The following UBR1 variants were observed in gnomAD, a reference collection of about 807,000 sequenced individuals.
UBR1 encodes the protein ubiquitin protein ligase E3 component n-recognin 1, also known as E3 ubiquitin-protein ligase UBR1.
Under a neutral mutation model 242.1 loss-of-function variants are expected in UBR1, and 102 were observed. The observed-to-expected ratio is 0.42, with a 90% CI of 0.36 to 0.50. The LOEUF (loss-of-function observed/expected upper bound fraction) is 0.50. UBR1 is among the 20% of genes least tolerant of loss of function. UBR1 has a pLI of 0.01. For missense variants in UBR1, 1,772 were observed against 2,101.8 expected (o/e 0.84, Z 3.07); for synonymous variants, 675 against 684.8 (o/e 0.99, Z 0.22).
chr15:43,021,838 A>T (rs1390629875), intron 26 of UBR1, among the ~76,000 whole-genome samples: 1 of 152,230 alleles, frequency 6.6e-6, no homozygotes, highest in African/African-American at 2.4e-5. Flanking sequence ...TTTGCCAATC[A>T]ATCCCTTAAC....
At chr15:43,052,186 CAG>C (rs2033565513) in intron 12 of UBR1, among the ~76,000 whole-genome samples, 1 of 152,168 alleles carries the variant, frequency 6.6e-6, no homozygotes, top group South Asian at 2.1e-4. Context: ...GCACCTGGAA[CAG>C]GTTCAGTAGA....
chr15:43,002,865 G>A (rs534331896), intron 31 of UBR1, among the ~76,000 whole-genome samples, 161 bp from the exon 32 acceptor site: 1 of 152,136 alleles, frequency 6.6e-6, no homozygotes, highest in Non-Finnish European at 1.5e-5. Context: ...AATTATAGAA[G>A]AAACAGGTTG....
rs544563595 is a variant in UBR1, at chr15:43,007,506, T to C, written c.3210-222A>G. ...AGTGTTGCTAAGTGCAAAAAACAGA[T>C]GATAAAATGGAATGTATATTATAAT... On this transcript the variant is annotated intron_variant, in intron 29 of 46. Transcript: ENST00000290650. Among the ~76,000 whole-genome samples, 8 of 152,080 alleles carry C rather than the reference T, an allele frequency of 5.3e-5. No individual in the cohort carries two copies. The East Asian group carries it at 1.5e-3, about 29-fold the overall frequency.
chr15:43,058,262 T>C, intron 10 of UBR1, 79 bp downstream of exon 10: 1 of 987,310 alleles, frequency 1.0e-6, no homozygotes, highest in East Asian at 2.6e-5. Flanking sequence ...TTTTGATTCA[T>C]AATTATCCCT....
Position 43,105,968 on chromosome 15 carries a change from G to A in UBR1, c.55C>T (p.Pro19Ser). The change falls in exon 1 of 47, where the codon CCC becomes TCC. Residue 19 changes from proline to serine, a missense_variant. Pro to Ser is a moderately conservative substitution (Grantham distance 74, BLOSUM62 -1). Transcript: ENST00000290650. The part of the protein sequence containing the change: ...TERMEISAEL[P>S]QTPQRLASWW... ...GATGCCAGACGCTGAGGGGTCTGGGGTAACTCCGCGCTGATTTCCATCCTC... is the reference window on the plus strand; with the variant it reads ...GATGCCAGACGCTGAGGGGTCTGGGATAACTCCGCGCTGATTTCCATCCTC... 2 of 1,614,068 alleles carry A rather than the reference G, an allele frequency of 1.2e-6. No homozygotes were observed. Among genetic ancestry groups the A allele is most frequent in the Non-Finnish European group, 8.5e-7 (1 of 1,180,008 alleles).
chr15:43,059,113 T>G lies in UBR1; in HGVS notation c.1065A>C (p.Leu355Phe), dbSNP rs142798632. The G allele has an allele frequency of 3.0e-4, 483 of 1,614,150 alleles. 1 individual carries two copies. The highest frequency in any genetic ancestry group is 3.8e-4 in the Non-Finnish European group (453 of 1,180,014). ...DSENPCLISR[L>F]MLWDAKLYKG... ...TATAAAGCTTTGCATCCCAAAGCAT[T>G]AACCTGCTTATGAGACAGGGATTCT... The change falls in exon 9 of 47, where the codon TTA becomes TTC. Residue 355 changes from leucine to phenylalanine, a missense_variant. This residue lies in a region of UBR1 where 734 missense variants were observed against 893.3 expected (regional missense o/e 0.82). Coordinates refer to ENST00000290650, the MANE Select transcript of UBR1 (RefSeq NM_174916.3).
intron 20 of UBR1, among the ~76,000 whole-genome samples, chr15:43,031,568 T>C (rs77519788): frequency 0.011 from 1,663 of 152,354 alleles, 27 homozygotes; most frequent in African/African-American, 0.037. Context: ...TGCTGAGACA[T>C]GTAGCTGGTC....
intron 17 of UBR1, among the ~76,000 whole-genome samples, chr15:43,037,119 G>A (rs904683976): frequency 6.6e-6 from 1 of 151,762 alleles, no homozygotes; most frequent in Non-Finnish European, 1.5e-5. Flanking sequence ...AGGTTCAGGT[G>A]ACCGGATCAC....
At chr15:42,987,985 C>T (rs1047310924) in intron 35 of UBR1, among the ~76,000 whole-genome samples, 3 of 152,078 alleles carry the variant, frequency 2.0e-5, no homozygotes, top group Admixed American at 2.0e-4. Context: ...AGTGATCCCT[C>T]ACTGCTACAT....
Position 43,057,911 on chromosome 15 carries a change from CT to C in UBR1, c.1182+429del, listed in dbSNP as rs758431765. Among the ~76,000 whole-genome samples the C allele has an allele frequency of 4.9e-3, 699 of 142,546 alleles. 3 individuals are homozygous for C. Among genetic ancestry groups the C allele is most frequent in the African/African-American group, 0.012 (455 of 39,148 alleles). 93.5% of individuals were successfully genotyped at this position (142,546 alleles called of 152,430 possible). Reference sequence around the variant, plus strand: ...TATTTATATAACGTATGAGAACGAACTTTTTTTTTTTTTTTGAGATGGGAGT... The same window carrying C: ...TATTTATATAACGTATGAGAACGAACTTTTTTTTTTTTTTGAGATGGGAGT... On this transcript the variant is annotated intron_variant, in intron 10 of 46. Coordinates refer to ENST00000290650, the MANE Select transcript of UBR1 (RefSeq NM_174916.3).
chr15:43,099,404 C>T (rs183572848), intron 1 of UBR1, among the ~76,000 whole-genome samples: 9 of 151,988 alleles, frequency 5.9e-5, no homozygotes, highest in African/African-American at 2.2e-4. Context: ...ATGATTATTG[C>T]GTAACCATAA....
intron 37 of UBR1, among the ~76,000 whole-genome samples, chr15:42,981,616 A>G (rs899678931): frequency 1.3e-5 from 2 of 152,060 alleles, no homozygotes; most frequent in Non-Finnish European, 1.5e-5. Flanking sequence ...CAGCCTCCCG[A>G]GTAGCTGGGA....
Position 42,998,502 on chromosome 15 carries a change from T to C in UBR1, c.3660-237A>G, listed in dbSNP as rs563903108. 8.1e-4 allele frequency among the ~76,000 whole-genome samples: 123 copies of C among 152,274 alleles called. 3 individuals are homozygous for C. The South Asian group carries it at 0.025, about 32-fold the overall frequency. ...ATGCCAATCACCCACAGGTAGTAAA[T>C]GTCAGTAAATAGAATCACCATTCTA... On this transcript the variant is annotated intron_variant, in intron 32 of 46. Transcript: ENST00000290650.
intron 4 of UBR1, among the ~76,000 whole-genome samples, chr15:43,074,122 TGATAA>T (rs1167299272): frequency 5.3e-5 from 8 of 152,358 alleles, no homozygotes; most frequent in Non-Finnish European, 8.8e-5. Context: ...CTATACTATC[TGATAA>T]GATAATCCAT....
At chr15:42,948,972 A>G (rs1258168957) in intron 46 of UBR1, among the ~76,000 whole-genome samples, 1 of 152,124 alleles carries the variant, frequency 6.6e-6, no homozygotes, top group Non-Finnish European at 1.5e-5. Flanking sequence ...ATAAAGACAC[A>G]TGCACACGTA....
intron 12 of UBR1, 115 bp downstream of exon 12, chr15:43,054,627 T>C: frequency 8.6e-7 from 1 of 1,168,958 alleles, no homozygotes; most frequent in Non-Finnish European, 1.3e-6. Flanking sequence ...GTACTTGCCA[T>C]CATTATAAAG....
At chr15:42,985,050 G>T in intron 35 of UBR1, 108 bp from the exon 36 acceptor site, 1 of 945,776 alleles carries the variant, frequency 1.1e-6, no homozygotes, top group South Asian at 2.0e-5. Context: ...GAGATGATTT[G>T]CATTTTTCCC....
At chr15:42,988,176 A>G (rs1420026311) in intron 35 of UBR1, among the ~76,000 whole-genome samples, 1 of 152,142 alleles carries the variant, frequency 6.6e-6, no homozygotes, top group Admixed American at 6.5e-5. Flanking sequence ...AAGAAAAATT[A>G]CTGAACACTT....
At chr15:43,034,914 A>G (rs1193770610) in intron 19 of UBR1, among the ~76,000 whole-genome samples, 2 of 151,704 alleles carry the variant, frequency 1.3e-5, no homozygotes, top group Admixed American at 6.6e-5. Flanking sequence ...AAGAAAGAAA[A>G]GAAAGAAAAA....
Sources: gnomAD v4.1 joint callset for allele counts (sites outside exome capture counted in the v4.1 genomes callset) on GRCh38, gnomAD v4.1.1 for gene constraint, gnomAD v4.1.1 regional missense constraint, MANE v1.5 for transcripts, NCBI Gene and HGNC (gene_info 2026-07-23, HGNC 2026-07-21) for gene names.